ITGB6: variants seen among roughly 807,000 people sequenced by gnomAD.
ITGB6 encodes the protein integrin subunit beta 6.
A neutral mutation model predicts 84.5 loss-of-function variants in ITGB6; 80 were observed. The observed-to-expected ratio is 0.95, with a 90% confidence interval of 0.79 to 1.14. The LOEUF (loss-of-function observed/expected upper bound fraction) is 1.14, where lower values mean the gene tolerates loss of function less well. Ranked by LOEUF, ITGB6 falls within the 50% of genes most tolerant of loss-of-function variation. The probability of loss-of-function intolerance (pLI) is 0.00; values close to 1 mark genes in which losing one functional copy is unlikely to be tolerated. For synonymous variants in ITGB6, 383 were observed against 354.9 expected, an observed-to-expected ratio of 1.08 and a Z score of -0.89; for missense variants, 1,006 against 968.0, an observed-to-expected ratio of 1.04 and a Z score of -0.52.
chr2:160,140,992 G>A (rs746319476), intron 8 of ITGB6, among the ~76,000 whole-genome samples: 9 of 151,976 alleles, frequency 5.9e-5, no homozygotes, highest in East Asian at 1.9e-4. Flanking sequence ...AAAACTTTCC[G>A]TGTTGATTCT....
At chr2:160,191,488 A>C (rs1015824496) in intron 4 of ITGB6, among the ~76,000 whole-genome samples, 1 of 152,206 alleles carries the variant, frequency 6.6e-6, no homozygotes, top group Non-Finnish European at 1.5e-5. Context: ...TTTTTTAAAA[A>C]AACTTACCAA....
chr2:160,192,804 C>G (rs1686192520), intron 4 of ITGB6, among the ~76,000 whole-genome samples: 1 of 151,916 alleles, frequency 6.6e-6, no homozygotes, highest in Non-Finnish European at 1.5e-5. Context: ...GAAAGACAGT[C>G]TAATCTTAAA....
chr2:160,148,190 T>C (rs1365890329), intron 7 of ITGB6, among the ~76,000 whole-genome samples: 1 of 152,080 alleles, frequency 6.6e-6, no homozygotes, highest in East Asian at 1.9e-4. Context: ...AGATGGCAAA[T>C]AGGCATATGA....
chr2:160,149,612 A>G (rs1684334376), intron 7 of ITGB6, among the ~76,000 whole-genome samples: 1 of 152,216 alleles, frequency 6.6e-6, no homozygotes. Flanking sequence ...CACTTTGACA[A>G]GTTGACAGAA....
Position 160,134,957 on chromosome 2 carries a change from G to A in ITGB6, c.1660+2477C>T, listed in dbSNP as rs565719962. ...ACCCACAGCCAATATCATACTGAAT[G>A]GGCAAAAACTGGAAGCATTCCCTTT... On this transcript the variant is annotated intron_variant, in intron 10 of 14. Transcript: ENST00000283249. 9.0e-4 allele frequency among the ~76,000 whole-genome samples: 137 copies of A among 152,198 alleles called. 2 individuals carry two copies. The East Asian group carries it at 0.015, about 16-fold the overall frequency.
chr2:160,195,492 G>A lies in ITGB6; in HGVS notation c.470C>T (p.Ser157Phe). The A allele has an allele frequency of 1.2e-6, 2 of 1,614,180 alleles. No individual in the cohort carries two copies. The highest frequency in any genetic ancestry group is 1.7e-6 in the Non-Finnish European group (2 of 1,180,024). The change falls in exon 4 of 15, where the codon TCC becomes TTC. Residue 157 changes from serine (S) to phenylalanine (F), a missense_variant. Coordinates refer to ENST00000283249, the MANE Select transcript of ITGB6 (RefSeq NM_000888.5). ...DDLNTIKELG[S>F]RLSKEMSKLT... Reference sequence around the variant, plus strand: ...TTTAGACATCTCTTTGGAAAGCCGGGAGCCCAGCTCCTTTATTGTGTTGAG... The same window carrying A: ...TTTAGACATCTCTTTGGAAAGCCGGAAGCCCAGCTCCTTTATTGTGTTGAG...
At chr2:160,186,122 G>A (rs1685885528) in intron 4 of ITGB6, among the ~76,000 whole-genome samples, 1 of 152,012 alleles carries the variant, frequency 6.6e-6, no homozygotes, top group Non-Finnish European at 1.5e-5. Context: ...TTGACAAATG[G>A]GATCTAATTA....
intron 10 of ITGB6, 60 bp downstream of exon 10, chr2:160,137,374 C>T: frequency 6.6e-7 from 1 of 1,512,224 alleles, no homozygotes; most frequent in South Asian, 1.2e-5. Context: ...GCAGAGGATG[C>T]CAAGCCCCTT....
At chr2:160,193,927 C>G (rs1053080631) in intron 4 of ITGB6, among the ~76,000 whole-genome samples, 1 of 152,276 alleles carries the variant, frequency 6.6e-6, no homozygotes. Context: ...GAGGCCAAGG[C>G]GGGTGGATCG....
intron 7 of ITGB6, among the ~76,000 whole-genome samples, chr2:160,147,242 A>G (rs1684232911): frequency 6.6e-6 from 1 of 152,168 alleles, no homozygotes; most frequent in Non-Finnish European, 1.5e-5. Context: ...ATTGCCTCCC[A>G]GTCATTACTC....
chr2:160,180,879 G>T (rs536190103), intron 4 of ITGB6, among the ~76,000 whole-genome samples: 1 of 152,176 alleles, frequency 6.6e-6, no homozygotes, highest in African/African-American at 2.4e-5. Flanking sequence ...CCATGGAAGC[G>T]CAAGTGGTCA....
chr2:160,134,325 G>A (rs527881506), intron 10 of ITGB6, among the ~76,000 whole-genome samples: 20 of 152,210 alleles, frequency 1.3e-4, no homozygotes, highest in Non-Finnish European at 2.6e-4. Flanking sequence ...TAAATTCCTC[G>A]ACACATACAC....
intron 4 of ITGB6, 124 bp downstream of exon 4, chr2:160,195,245 G>A: frequency 2.4e-6 from 3 of 1,236,316 alleles, no homozygotes; most frequent in Non-Finnish European, 3.4e-6. Flanking sequence ...GAGAACTGCT[G>A]AGATCCAACC....
At chr2:160,174,230 G>T in intron 4 of ITGB6, 91 bp from the exon 5 acceptor site, 1 of 1,004,578 alleles carries the variant, frequency 1.0e-6, no homozygotes, top group Non-Finnish European at 1.4e-6. Flanking sequence ...TCTCCTAAAT[G>T]AAGATTAGTT....
intron 10 of ITGB6, among the ~76,000 whole-genome samples, chr2:160,129,997 C>A (rs879157780): frequency 6.6e-6 from 1 of 151,754 alleles, no homozygotes; most frequent in Non-Finnish European, 1.5e-5. Flanking sequence ...GAATATGTAC[C>A]AAGAAATGCA....
At chr2:160,152,321 C>T (rs1684457310) in intron 7 of ITGB6, among the ~76,000 whole-genome samples, 1 of 152,198 alleles carries the variant, frequency 6.6e-6, no homozygotes, top group Non-Finnish European at 1.5e-5. Flanking sequence ...CATAATCCAT[C>T]ACATAAACAG....
chr2:160,127,164 C>T (rs928037766), intron 10 of ITGB6, among the ~76,000 whole-genome samples: 1 of 152,192 alleles, frequency 6.6e-6, no homozygotes, highest in African/African-American at 2.4e-5. Flanking sequence ...AATGGCTTGA[C>T]CAAGCTGTCT....
At chr2:160,152,864 T>C (rs1363510959) in intron 7 of ITGB6, among the ~76,000 whole-genome samples, 1 of 152,120 alleles carries the variant, frequency 6.6e-6, no homozygotes, top group Admixed American at 6.5e-5. Flanking sequence ...ACAAAGAGTA[T>C]AAAATACCTA....
intron 4 of ITGB6, among the ~76,000 whole-genome samples, chr2:160,181,166 G>A (rs1685652830): frequency 6.6e-6 from 1 of 152,142 alleles, no homozygotes; most frequent in Non-Finnish European, 1.5e-5. Flanking sequence ...AAAGGGGGCT[G>A]AAGCCAGGGA....
Sources: gnomAD v4.1 joint callset for allele counts (sites outside exome capture counted in the v4.1 genomes callset) on GRCh38, gnomAD v4.1.1 for gene constraint, MANE v1.5 for transcripts, NCBI Gene and HGNC (gene_info 2026-07-23, HGNC 2026-07-21) for gene names.